The following TECPR1 variants were observed in gnomAD, a reference collection of about 807,000 sequenced individuals.
TECPR1 encodes the protein tectonin beta-propeller repeat containing 1.
A neutral mutation model predicts 162.4 loss-of-function variants in TECPR1; 122 were observed. The observed-to-expected ratio is 0.75, with a 90% CI of 0.65 to 0.87. The LOEUF is 0.87. TECPR1 is among the 40% of genes least tolerant of loss of function. The probability of loss-of-function intolerance (pLI) is 0.00; values close to 1 mark genes in which losing one functional copy is unlikely to be tolerated. For missense variants in TECPR1, 1,432 were observed against 1,618.2 expected, an observed-to-expected ratio of 0.88 and a Z score of 1.97; for synonymous variants, 642 against 670.6, an observed-to-expected ratio of 0.96 and a Z score of 0.66.
At chr7:98,226,609 G>A (rs1798284653) in intron 17 of TECPR1, 1 of 1,044,486 alleles carries the variant, frequency 9.6e-7, no homozygotes, top group African/African-American at 1.7e-5. Flanking sequence ...CTATTACTAA[G>A]TGTTTATTTC....
In TECPR1 at chr7:98,216,934, A is replaced by G; in HGVS notation, c.*456T>C. 1 of 164,628 alleles carries G rather than the reference A, an allele frequency of 6.1e-6. No homozygotes were observed. Among genetic ancestry groups the G allele is most frequent in the South Asian group, 1.7e-4 (1 of 5,892 alleles). The allele number at this position is 164,628 out of a possible 1,614,324, so 10.2% of individuals were successfully genotyped here. A position where few individuals can be genotyped will look rare whatever the true frequency, so the allele number is the denominator to read the frequency against. ...CTGAGAAATGGTCACTGCACATGGT[A>G]AAGAGGCCCTGAGCCCCATGGCCAT... On this transcript the variant is annotated 3_prime_UTR_variant, in exon 26 of 26. Transcript: ENST00000447648.
At chr7:98,233,019 A>C in intron 11 of TECPR1, 47 bp from the exon 12 acceptor site, 1 of 1,541,512 alleles carries the variant, frequency 6.5e-7, no homozygotes, top group Non-Finnish European at 8.7e-7. Context: ...TCCTGCCCGC[A>C]GCTGGGCAGG....
rs1346213542 is a variant in TECPR1, at chr7:98,231,955, A to G, written c.1823T>C (p.Val608Ala). The change falls in exon 13 of 26, where the codon GTG (valine) becomes GCG (alanine). Residue 608 changes from valine (V) to alanine (A), a missense_variant. Physicochemically the swap from Val to Ala is moderately conservative, Grantham distance 64 (BLOSUM62 0). Coordinates refer to ENST00000447648, the MANE Select transcript of TECPR1 (RefSeq NM_015395.3). Reference protein sequence around the residue: ...RHYEQAVEQSVWVKTGALQWW... With the variant: ...RHYEQAVEQSAWVKTGALQWW... ...CTGCAGCGCCCCGGTCTTCACCCAC[A>G]CCGACTGCGCAGGCCGGGGCAGTGG... 6.2e-7 allele frequency: 1 copy of G among 1,602,742 alleles called. No individual in the cohort carries two copies. Among genetic ancestry groups the G allele is most frequent in the African/African-American group, 1.3e-5 (1 of 74,884 alleles).
rs773380283 is a variant in TECPR1 at position 98,231,325 on chromosome 7, T to C, written c.2023A>G (p.Asn675Asp). Residue 675 changes from asparagine (N) to aspartate (D), a missense_variant, in exon 14 of 26, where the codon AAC becomes GAC. Coordinates refer to ENST00000447648, the MANE Select transcript of TECPR1 (RefSeq NM_015395.3). ...NEVVALVPVL[N>D]ETKHSFALYT... ...AGGGCAAAGGAGTGCTTGGTCTCGT[T>C]CAGCACTGGGACCAGCGCCACCACC... The C allele has an allele frequency of 2.7e-5, 44 of 1,611,420 alleles. No individual in the cohort carries two copies. Among genetic ancestry groups the C allele is most frequent in the Admixed American group, 3.4e-5 (2 of 59,534 alleles).
At chr7:98,225,612 TTC>T (rs939543262) in intron 17 of TECPR1, among the ~76,000 whole-genome samples, 1 of 151,916 alleles carries the variant, frequency 6.6e-6, no homozygotes. Flanking sequence ...AAGACTTTCT[TTC>T]TCTCTTTCTT....
intron 15 of TECPR1, among the ~76,000 whole-genome samples, chr7:98,229,505 G>A (rs1013714336): frequency 6.6e-6 from 1 of 152,186 alleles, no homozygotes; most frequent in South Asian, 2.1e-4. Flanking sequence ...TGGGGTCTGG[G>A]ACCTGGGGAA....
intron 10 of TECPR1, among the ~76,000 whole-genome samples, chr7:98,236,116 C>T (rs1798595525): frequency 6.6e-6 from 1 of 152,218 alleles, no homozygotes; most frequent in Admixed American, 6.5e-5. Flanking sequence ...CCAGCTCATC[C>T]ACTGAGTCGC....
Position 98,217,511 on chromosome 7 carries a change from G to A in TECPR1, c.3385-8C>T. 6.3e-7 allele frequency: 1 copy of A among 1,592,816 alleles called. No individual in the cohort carries two copies. Among genetic ancestry groups the A allele is most frequent in the Non-Finnish European group, 8.5e-7 (1 of 1,170,598 alleles). On this transcript the variant is annotated splice_polypyrimidine_tract_variant and splice_region_variant and intron_variant, in intron 25 of 25. Coordinates refer to ENST00000447648, the MANE Select transcript of TECPR1 (RefSeq NM_015395.3). ...GATATGGTCCCAGCCTCCCTGGAAG[G>A]AGAGAGCTGTGTCACCAGGGGACTC...
chr7:98,231,265 C>A lies in TECPR1; in HGVS notation c.2083G>T (p.Val695Leu). The A allele has an allele frequency of 1.9e-6, 3 of 1,613,088 alleles. No homozygotes were observed. Among genetic ancestry groups the A allele is most frequent in the Non-Finnish European group, 1.7e-6 (2 of 1,179,722 alleles). ...TGCTCGGTGGCAGCAGCCAGACGCACCGGCCACCTCTGCCGTGTCCGCTCA... is the reference window on the plus strand; with the variant it reads ...TGCTCGGTGGCAGCAGCCAGACGCAACGGCCACCTCTGCCGTGTCCGCTCA... The part of the protein sequence containing the change: ...TPERTRQRWP[V>L]RLAAATEQDM... The change falls in exon 14 of 26, where the codon GTG becomes TTG. Residue 695 changes from valine to leucine, a missense_variant. Physicochemically the swap from Val to Leu is conservative, Grantham distance 32. Coordinates refer to ENST00000447648, the MANE Select transcript of TECPR1 (RefSeq NM_015395.3).
intron 16 of TECPR1, chr7:98,228,490 G>A (rs528130735): frequency 3.8e-6 from 1 of 260,148 alleles, no homozygotes; most frequent in Admixed American, 4.4e-5. Flanking sequence ...TAACCTCCGT[G>A]AGCCCCGGCT....
chr7:98,237,022 G>T, intron 9 of TECPR1, 101 bp from the exon 10 acceptor site: 1 of 1,304,886 alleles, frequency 7.7e-7, no homozygotes, highest in African/African-American at 1.5e-5. Flanking sequence ...TCCATGTGCA[G>T]GTGTGTGTGG....
chr7:98,228,867 G>T, intron 16 of TECPR1, 172 bp downstream of exon 16: 1 of 958,644 alleles, frequency 1.0e-6, no homozygotes, highest in Non-Finnish European at 1.5e-6. Context: ...AGTGGGTACT[G>T]GCAGGGACCA....
Position 98,241,073 on chromosome 7 carries a change from T to C in TECPR1, c.829A>G (p.Lys277Glu). The change falls in exon 7 of 26, where the codon AAA (lysine) becomes GAA (glutamate). Residue 277 changes from lysine (K) to glutamate (E), a missense_variant. Physicochemically the swap from Lys to Glu is moderately conservative, Grantham distance 56. Coordinates refer to ENST00000447648, the MANE Select transcript of TECPR1 (RefSeq NM_015395.3). This position sits in a 1 kb window ranked among gnomAD's most constrained non-coding sequence, Gnocchi z 5.0. Reference sequence around the variant, plus strand: ...GTGGGGGAGCCGGGCTGCCCACCTTTGGGATTGCTCCTGTTGATTCCTTCC... The same window carrying C: ...GTGGGGGAGCCGGGCTGCCCACCTTCGGGATTGCTCCTGTTGATTCCTTCC... ...VREGINRSNP[K>E]GSSWSIVEPP... 6.2e-7 allele frequency: 1 copy of C among 1,604,752 alleles called. No homozygotes were observed. The highest frequency in any genetic ancestry group is 1.1e-5 in the South Asian group (1 of 89,956).
In TECPR1 at chr7:98,238,617, G is replaced by A. The variant is rs1798661037; in HGVS notation, c.934-7C>T. On this transcript the variant is annotated splice_polypyrimidine_tract_variant and splice_region_variant and intron_variant, in intron 8 of 25. Transcript: ENST00000447648. Reference sequence around the variant, plus strand: ...CGCCTCTTCGGAACCACACCTGGGGGAGTCAGAAATAAACATGCCTTCCTG... The same window carrying A: ...CGCCTCTTCGGAACCACACCTGGGGAAGTCAGAAATAAACATGCCTTCCTG... The A allele has an allele frequency of 6.4e-7, 1 of 1,559,106 alleles. No homozygotes were observed.
chr7:98,222,495 G>A lies in TECPR1; in HGVS notation c.2955C>T (p.Thr985=), dbSNP rs772693073. 24 of 1,590,124 alleles carry A rather than the reference G, an allele frequency of 1.5e-5. No individual in the cohort carries two copies. The highest frequency in any genetic ancestry group is 9.2e-5 in the South Asian group (8 of 87,254). ...PAGSSWLHVG[T]DQPFASISIG... ...TGGAGATGGAGGCGAAGGGCTGGTC[G>A]GTGCCAACGTGCAGCCAGGAGGAGC... The change falls in exon 22 of 26, where the codon ACC becomes ACT. Residue 985 remains threonine, a synonymous_variant. Coordinates refer to ENST00000447648, the MANE Select transcript of TECPR1 (RefSeq NM_015395.3).
At position 98,240,964 on chromosome 7, in the gene TECPR1, C is replaced by A; in HGVS notation, c.833-13G>T. 1 of 1,598,258 alleles carries A rather than the reference C, an allele frequency of 6.3e-7. No individual in the cohort carries two copies. The highest frequency in any genetic ancestry group is 8.5e-7 in the Non-Finnish European group (1 of 1,173,682). On this transcript the variant is annotated splice_polypyrimidine_tract_variant and intron_variant, in intron 7 of 25. Transcript: ENST00000447648. The stretch of plus-strand genomic sequence containing the variant: ...GACCAGGAACTTCCTACCGGGCCCC[C>A]AAGAAACCCCCAGTGGCCCCCATCA...
chr7:98,229,716 C>T (rs76084106), intron 15 of TECPR1, among the ~76,000 whole-genome samples: 43 of 152,286 alleles, frequency 2.8e-4, no homozygotes, highest in East Asian at 1.5e-3. Flanking sequence ...CTCCTGCGGC[C>T]GAGGCCCTGT....
chr7:98,233,672 G>A lies in TECPR1; in HGVS notation c.1421C>T (p.Thr474Met), dbSNP rs574909069. 186 of 1,604,372 alleles carry A rather than the reference G, an allele frequency of 1.2e-4. 1 individual carries two copies. Among genetic ancestry groups the A allele is most frequent in the Middle Eastern group, 5.0e-4 (3 of 6,010 alleles). The change falls in exon 11 of 26, where the codon ACG (threonine) becomes ATG (methionine). Residue 474 changes from threonine (T) to methionine (M), a missense_variant. Transcript: ENST00000447648. Reference protein sequence around the residue: ...AEGSREARPNTHPGPAPTPAE... With the variant: ...AEGSREARPNMHPGPAPTPAE... The stretch of plus-strand genomic sequence containing the variant: ...CGGGGTGGGGGCCGGGCCGGGGTGC[G>A]TGTTGGGTCTGGCCTCCCTGCTGCC...
rs1323717312 is a variant in TECPR1, at chr7:98,216,600, A to T, written c.*790T>A. 1 of 128,048 alleles carries T rather than the reference A, an allele frequency of 7.8e-6. No individual in the cohort carries two copies. Among genetic ancestry groups the T allele is most frequent in the Non-Finnish European group, 1.6e-5 (1 of 63,946 alleles). The allele number at this position is 128,048 out of a possible 1,614,324, so 7.9% of individuals were successfully genotyped here. On this transcript the variant is annotated 3_prime_UTR_variant, in exon 26 of 26. Coordinates refer to ENST00000447648, the MANE Select transcript of TECPR1 (RefSeq NM_015395.3). ...TTTTGAGATGGAGTCTCTGTCGCCC[A>T]GGCTGGAGTGCAGTGGCATGATCTC... is the stretch of plus-strand genomic sequence containing the variant.
Sources: allele counts gnomAD v4.1 joint callset (sites outside exome capture counted in the v4.1 genomes callset), GRCh38; gene constraint gnomAD v4.1.1; non-coding constraint Gnocchi (gnomAD v3.1); transcripts MANE v1.5; gene names NCBI Gene and HGNC (gene_info 2026-07-23, HGNC 2026-07-21).